The following CTR9 variants were observed in gnomAD, a reference collection of about 807,000 sequenced individuals.
The protein encoded by CTR9 is RNA polymerase-associated protein CTR9 homolog.
CTR9 carries 41 observed loss-of-function variants against 152.1 expected under a neutral mutation model. That is an observed-to-expected ratio of 0.27 (90% confidence interval 0.21 to 0.35). The LOEUF is 0.35. CTR9 is among the 10% of genes least tolerant of loss of function. The pLI is 1.00. For missense variants in CTR9, 917 were observed against 1,424.4 expected, an observed-to-expected ratio of 0.64 and a Z score of 5.73; for synonymous variants, 476 against 496.2, an observed-to-expected ratio of 0.96 and a Z score of 0.54.
chr11:10,764,304 A>G lies in CTR9; in HGVS notation c.1285-4A>G. 6.2e-7 allele frequency: 1 copy of G among 1,614,018 alleles called. No individual in the cohort carries two copies. Among genetic ancestry groups the G allele is most frequent in the Non-Finnish European group, 8.5e-7 (1 of 1,179,974 alleles). On this transcript the variant is annotated splice_region_variant and splice_polypyrimidine_tract_variant and intron_variant, in intron 10 of 24. Transcript: ENST00000361367. ...ACCTTTTTCTGTCAATCATGAAAAT[A>G]CAGGGTGCCCTTTCAGCCTATGGAA... is the stretch of plus-strand genomic sequence containing the variant.
chr11:10,779,387 A>G lies in CTR9; in HGVS notation c.*282A>G. 3.2e-6 allele frequency: 1 copy of G among 317,338 alleles called. No homozygotes were observed. The highest frequency in any genetic ancestry group is 5.9e-6 in the Non-Finnish European group (1 of 170,738). The allele number at this position is 317,338 out of a possible 1,614,324, so 19.7% of individuals were successfully genotyped here. ...ACCCAGATGCTAAATCATTCCTACAAAGGTTTGACTGAAACTGTGGCAGAT... is the reference window on the plus strand; with the variant it reads ...ACCCAGATGCTAAATCATTCCTACAGAGGTTTGACTGAAACTGTGGCAGAT... On this transcript the variant is annotated 3_prime_UTR_variant, in exon 25 of 25. Transcript: ENST00000361367.
Position 10,751,260 on chromosome 11 carries a change from T to C in CTR9, c.-153T>C. 1 of 742,742 alleles carries C rather than the reference T, an allele frequency of 1.3e-6. No individual in the cohort carries two copies. Among genetic ancestry groups the C allele is most frequent in the Non-Finnish European group, 2.2e-6 (1 of 449,796 alleles). 46.0% of individuals were successfully genotyped at this position (742,742 alleles called of 1,614,324 possible). ...GTCCGCTGCTCGTTGTTTAAGCGGC[T>C]GACGGGAAGGAGAAGCCAGAGCTCC... On this transcript the variant is annotated 5_prime_UTR_variant, in exon 1 of 25. Coordinates refer to ENST00000361367, the MANE Select transcript of CTR9 (RefSeq NM_014633.5).
At chr11:10,776,368 T>A (rs1468591854) in intron 24 of CTR9, among the ~76,000 whole-genome samples, 1 of 152,176 alleles carries the variant, frequency 6.6e-6, no homozygotes, top group Non-Finnish European at 1.5e-5. Context: ...GGAGGACTTA[T>A]CCTAGACTCC....
In CTR9 at chr11:10,763,445, C is replaced by G. The variant is rs758137182; in HGVS notation, c.864C>G (p.Val288=). The change falls in exon 8 of 25, where the codon GTC becomes GTG. Residue 288 remains valine (V), a synonymous_variant. Transcript: ENST00000361367. ...TCTTTGTTCAGGATTATAGTAAAGT[C>G]CAGCATCTGGCCCTCCATGCATTCC... ...HFFFKKDYSK[V]QHLALHAFHN... is the part of the protein sequence containing the mutation. 6.2e-7 allele frequency: 1 copy of G among 1,611,354 alleles called. No homozygotes were observed.
At chr11:10,770,001 A>C (rs1357441271) in intron 16 of CTR9, among the ~76,000 whole-genome samples, 1 of 152,180 alleles carries the variant, frequency 6.6e-6, no homozygotes, top group East Asian at 1.9e-4. Context: ...TCAAGCATCT[A>C]GTTTTTCTAA....
intron 24 of CTR9, among the ~76,000 whole-genome samples, chr11:10,777,197 T>C (rs1391391842): frequency 6.6e-6 from 1 of 151,812 alleles, no homozygotes. Context: ...AGGCTTCTGG[T>C]GGGGATTGGA....
chr11:10,777,980 G>C (rs1297866166), intron 24 of CTR9, among the ~76,000 whole-genome samples: 6 of 152,288 alleles, frequency 3.9e-5, no homozygotes, highest in African/African-American at 9.6e-5. Context: ...AAGACTCTGA[G>C]GGTGCTGCCA....
chr11:10,767,108 T>G lies in CTR9; in HGVS notation c.1686+618T>G, dbSNP rs1863072369. 1.3e-5 allele frequency: 2 copies of G among 152,782 alleles called. No homozygotes were observed. The highest frequency in any genetic ancestry group is 2.9e-5 in the Non-Finnish European group (2 of 68,172). 9.5% of individuals were successfully genotyped at this position (152,782 alleles called of 1,614,324 possible). ...ATGGATTTTACAACTTACTAATGGG[T>G]ATCAACTCAGTTTGAAAACCACTCA... is the stretch of plus-strand genomic sequence containing the variant. On this transcript the variant is annotated intron_variant, in intron 13 of 24. Transcript: ENST00000361367. This position sits in a 1 kb window ranked among gnomAD's most constrained non-coding sequence, Gnocchi z 4.0.
intron 7 of CTR9, among the ~76,000 whole-genome samples, chr11:10,763,004 T>C (rs145860959): frequency 0.013 from 1,926 of 148,566 alleles, 37 homozygotes; most frequent in African/African-American, 0.043. Context: ...TGAGACCCTG[T>C]CTCAAAAAAA....
At position 10,753,363 on chromosome 11, in the gene CTR9, T is replaced by G. The variant is rs184371004; in HGVS notation, c.144+593T>G. Among the ~76,000 whole-genome samples the G allele has an allele frequency of 2.1e-3, 320 of 152,326 alleles. 6 individuals are homozygous for G. The highest frequency in any genetic ancestry group is 7.6e-3 in the African/African-American group (315 of 41,562). On this transcript the variant is annotated intron_variant, in intron 2 of 24. Transcript: ENST00000361367. ...TCAGCTGCATAATGATGTTTTCTTT[T>G]TATAGGAATAGGTAATATAAATGTT...
chr11:10,772,131 G>A (rs1395516899), intron 19 of CTR9, among the ~76,000 whole-genome samples: 1 of 152,022 alleles, frequency 6.6e-6, no homozygotes, highest in Non-Finnish European at 1.5e-5. Context: ...CTAGGTGGGC[G>A]GATCAGCTGA....
rs370772077 is a variant in CTR9, at chr11:10,773,291, C to T, written c.2727+18C>T. The T allele has an allele frequency of 1.0e-5, 16 of 1,605,762 alleles. No individual in the cohort carries two copies. Among genetic ancestry groups the T allele is most frequent in the Non-Finnish European group, 1.4e-5 (16 of 1,178,148 alleles). On this transcript the variant is annotated intron_variant, in intron 21 of 24. Transcript: ENST00000361367. ...GTGGACGGGTAAGATATAATTCCTGCTAGCACAAGTGACCTCATTCTCTGT... is the reference window on the plus strand; with the variant it reads ...GTGGACGGGTAAGATATAATTCCTGTTAGCACAAGTGACCTCATTCTCTGT...
At chr11:10,753,188 ACCCAAAAT>A (rs1862832542) in intron 2 of CTR9, among the ~76,000 whole-genome samples, 1 of 152,162 alleles carries the variant, frequency 6.6e-6, no homozygotes, top group Non-Finnish European at 1.5e-5. Flanking sequence ...AAATCACTTC[ACCCAAAAT>A]CACAAAAGTT....
At chr11:10,757,795 A>T (rs907542434) in intron 5 of CTR9, among the ~76,000 whole-genome samples, 2 of 152,282 alleles carry the variant, frequency 1.3e-5, no homozygotes, top group African/African-American at 4.8e-5. Context: ...ATAGTAAAGT[A>T]TGTATGATGT....
intron 5 of CTR9, 35 bp from the exon 6 acceptor site, chr11:10,760,138 C>T (rs1862953480): frequency 1.3e-6 from 2 of 1,598,696 alleles, no homozygotes; most frequent in Middle Eastern, 1.7e-4. Context: ...TAAAAAATGC[C>T]CTAGTTTGAT....
At chr11:10,776,488 C>T (rs1369308711) in intron 24 of CTR9, among the ~76,000 whole-genome samples, 1 of 152,196 alleles carries the variant, frequency 6.6e-6, no homozygotes, top group Admixed American at 6.5e-5. Flanking sequence ...GATTTCTCAA[C>T]CAGGTCTCTT....
At chr11:10,755,622 T>C in intron 3 of CTR9, 56 bp from the exon 4 acceptor site, 1 of 1,080,474 alleles carries the variant, frequency 9.3e-7, no homozygotes, top group Non-Finnish European at 1.4e-6. Context: ...TTCACTTTAG[T>C]GTTACATGTT....
chr11:10,752,920 A>G (rs1319387189), intron 2 of CTR9, 150 bp downstream of exon 2: 2 of 651,716 alleles, frequency 3.1e-6, no homozygotes, highest in Non-Finnish European at 5.3e-6. Flanking sequence ...TTTATGGAAC[A>G]ATAAGGCCGT....
At chr11:10,765,087 AGG>A (rs1414276730) in intron 12 of CTR9, among the ~76,000 whole-genome samples, 2 of 152,212 alleles carry the variant, frequency 1.3e-5, no homozygotes, top group African/African-American at 4.8e-5. Context: ...TATAATAGTG[AGG>A]AAGAAAAGTG....
Sources: gnomAD v4.1 joint callset for allele counts (sites outside exome capture counted in the v4.1 genomes callset) on GRCh38, gnomAD v4.1.1 for gene constraint, Gnocchi (gnomAD v3.1) non-coding constraint, MANE v1.5 for transcripts, NCBI Gene and HGNC (gene_info 2026-07-23, HGNC 2026-07-21) for gene names.